Variants in SEMA3D observed in about 807,000 individuals in gnomAD.
SEMA3D encodes the protein semaphorin 3D.
In SEMA3D, 84 loss-of-function variants were observed where a neutral mutation model predicts 100.1. The observed-to-expected ratio is 0.84, with a 90% CI of 0.70 to 1.01. The LOEUF (loss-of-function observed/expected upper bound fraction) is 1.01, where lower values mean the gene tolerates loss of function less well. Ranked by LOEUF, SEMA3D falls within the 50% of genes least tolerant of loss-of-function variation. The pLI is 0.00. For synonymous variants in SEMA3D, 312 were observed against 320.7 expected (o/e 0.97, Z 0.29); for missense variants, 875 against 934.1 (o/e 0.94, Z 0.82).
chr7:85,104,326 G>A (rs1788840641), intron 3 of SEMA3D, among the ~76,000 whole-genome samples: 1 of 152,020 alleles, frequency 6.6e-6, no homozygotes, highest in Non-Finnish European at 1.5e-5. Context: ...TAACATAGTA[G>A]ACCATTAAGT....
the SEMA3D span, among the ~76,000 whole-genome samples, chr7:85,213,298 T>G: frequency 1.3e-5 from 2 of 152,024 alleles, no homozygotes; most frequent in Non-Finnish European, 2.9e-5. Context: ...CTTTACTAGA[T>G]TTTTGAATAG....
chr7:85,196,904 A>G, the SEMA3D span, among the ~76,000 whole-genome samples: 1 of 152,152 alleles, frequency 6.6e-6, no homozygotes, highest in Non-Finnish European at 1.5e-5. Context: ...TTGTAAAACC[A>G]CTTTGGAAAA....
intron 14 of SEMA3D, among the ~76,000 whole-genome samples, chr7:85,018,733 G>A (rs946785345): frequency 3.3e-5 from 5 of 151,718 alleles, no homozygotes; most frequent in African/African-American, 1.2e-4. Flanking sequence ...AAGTTATAGT[G>A]CTCCTTGTGG....
the SEMA3D span, among the ~76,000 whole-genome samples, chr7:85,243,533 T>A: frequency 6.6e-6 from 1 of 152,304 alleles, no homozygotes; most frequent in African/African-American, 2.4e-5. Flanking sequence ...GGTGCAAAGT[T>A]TGCCCTATGA....
intron 2 of SEMA3D, among the ~76,000 whole-genome samples, chr7:85,135,398 C>T (rs1238297200): frequency 6.6e-6 from 1 of 151,728 alleles, no homozygotes; most frequent in Non-Finnish European, 1.5e-5. Context: ...ATTTAACTGT[C>T]GCAAGAACAA....
At chr7:85,000,505 ACC>A (rs1789627281) in intron 18 of SEMA3D, among the ~76,000 whole-genome samples, 1 of 152,148 alleles carries the variant, frequency 6.6e-6, no homozygotes, top group Non-Finnish European at 1.5e-5. Flanking sequence ...ATTGAGTAGG[ACC>A]CTAGTCAGAA....
At chr7:85,171,579 A>G (rs1791083209) in intron 1 of SEMA3D, among the ~76,000 whole-genome samples, 1 of 151,918 alleles carries the variant, frequency 6.6e-6, no homozygotes, top group Non-Finnish European at 1.5e-5. Flanking sequence ...GTGACCTGGA[A>G]CTACTCAGAA....
chr7:85,226,952 T>A, the SEMA3D span, among the ~76,000 whole-genome samples: 1 of 152,294 alleles, frequency 6.6e-6, no homozygotes, highest in African/African-American at 2.4e-5. Context: ...GTGGTTTCTT[T>A]TAAAGTATGT....
chr7:85,136,408 A>T (rs1296877479), intron 2 of SEMA3D, among the ~76,000 whole-genome samples: 1 of 152,142 alleles, frequency 6.6e-6, no homozygotes, highest in Non-Finnish European at 1.5e-5. Flanking sequence ...CATCAGCATT[A>T]AGTATACACA....
intron 12 of SEMA3D, among the ~76,000 whole-genome samples, chr7:85,029,846 G>A (rs1019477396): frequency 7.9e-5 from 12 of 151,876 alleles, no homozygotes; most frequent in African/African-American, 2.9e-4. Context: ...ATGAGCACAA[G>A]GAAAGGAAAT....
intron 4 of SEMA3D, among the ~76,000 whole-genome samples, chr7:85,083,738 T>C (rs1180543761): frequency 1.3e-5 from 2 of 150,264 alleles, no homozygotes; most frequent in East Asian, 2.0e-4. Flanking sequence ...TCCCAGCTAC[T>C]CGGGAGGCTG....
intron 12 of SEMA3D, among the ~76,000 whole-genome samples, chr7:85,030,372 C>CA (rs1260498404): frequency 6.6e-6 from 1 of 151,722 alleles, no homozygotes; most frequent in Non-Finnish European, 1.5e-5. Flanking sequence ...TATTTCCCAC[C>CA]AAAAAATGGA....
chr7:85,157,768 G>A (rs886585704), intron 1 of SEMA3D: 43 of 288,880 alleles, frequency 1.5e-4, no homozygotes, highest in Non-Finnish European at 1.9e-4. Flanking sequence ...CACTTCAGTC[G>A]CCCAAAGCAC....
intron 2 of SEMA3D, among the ~76,000 whole-genome samples, chr7:85,122,232 C>CAAAAA (rs34627101): frequency 6.9e-6 from 1 of 144,048 alleles, no homozygotes; most frequent in Non-Finnish European, 1.5e-5. Flanking sequence ...ACTTAAAGTA[C>CAAAAA]AAAAAAAAAA....
chr7:85,246,696 A>G, the SEMA3D span, among the ~76,000 whole-genome samples: 47 of 152,070 alleles, frequency 3.1e-4, no homozygotes, highest in Admixed American at 2.4e-3. Flanking sequence ...CACTGAAAAA[A>G]ACCTGATAAT....
intron 17 of SEMA3D, among the ~76,000 whole-genome samples, chr7:85,010,044 G>A (rs1015011604): frequency 4.6e-5 from 7 of 151,768 alleles, no homozygotes; most frequent in Non-Finnish European, 8.8e-5. Context: ...GATCAGGAAA[G>A]GTGTCTCTGA....
intron 2 of SEMA3D, chr7:85,143,143 GT>G: frequency 1.0e-6 from 1 of 981,400 alleles, no homozygotes; most frequent in Non-Finnish European, 1.2e-6. Context: ...ACACAATTAG[GT>G]ATGAAACTGA....
At chr7:85,090,074 C>T (rs369025936) in intron 4 of SEMA3D, among the ~76,000 whole-genome samples, 1 of 152,176 alleles carries the variant, frequency 6.6e-6, no homozygotes, top group African/African-American at 2.4e-5. Flanking sequence ...CTATTCAACA[C>T]CTCTAATCCA....
At chr7:85,168,977 A>G (rs1791009668) in intron 1 of SEMA3D, among the ~76,000 whole-genome samples, 1 of 151,688 alleles carries the variant, frequency 6.6e-6, no homozygotes, top group African/African-American at 2.4e-5. Flanking sequence ...TGTAAAATTA[A>G]GAAATTTAGA....
Sources: allele counts gnomAD v4.1 joint callset (sites outside exome capture counted in the v4.1 genomes callset), GRCh38; gene constraint gnomAD v4.1.1; transcripts MANE v1.5; gene names NCBI Gene and HGNC (gene_info 2026-07-23, HGNC 2026-07-21).